Variants in EPS15 observed in about 807,000 individuals in gnomAD.
The protein encoded by EPS15 is epidermal growth factor receptor substrate 15.
EPS15 carries 72 observed loss-of-function variants against 113.8 expected under a neutral mutation model. The ratio of observed to expected loss-of-function variants is 0.63; its 90% CI spans 0.52 to 0.77. The LOEUF is 0.77. Among genes scored for constraint, EPS15 ranks in the 30% least tolerant of loss-of-function variants. The pLI is 0.00. For synonymous variants in EPS15, 344 were observed against 363.4 expected (o/e 0.95, Z 0.61); for missense variants, 1,048 against 1,045.8 (o/e 1.00, Z -0.03).
At chr1:51,433,625 T>C (rs757369159) in intron 12 of EPS15, among the ~76,000 whole-genome samples, 2 of 152,352 alleles carry the variant, frequency 1.3e-5, no homozygotes, top group East Asian at 3.9e-4. Context: ...GACTAGTTCA[T>C]TTCTTCATCT....
chr1:51,461,506 C>G (rs898309193), intron 7 of EPS15, among the ~76,000 whole-genome samples: 4 of 127,950 alleles, frequency 3.1e-5, no homozygotes, highest in Non-Finnish European at 6.3e-5. Flanking sequence ...GGCAACGGAG[C>G]TAGACACTGT....
At chr1:51,407,003 G>A (rs555929994) in intron 15 of EPS15, among the ~76,000 whole-genome samples, 5 of 152,138 alleles carry the variant, frequency 3.3e-5, no homozygotes, top group East Asian at 1.9e-4. Flanking sequence ...GTAAGGAAGC[G>A]CAAAAGTGAA....
chr1:51,426,837 C>CTCTCTCTCTATATA (rs377211027), intron 12 of EPS15, among the ~76,000 whole-genome samples: 72 of 143,644 alleles, frequency 5.0e-4, no homozygotes, highest in African/African-American at 1.8e-3. Context: ...CTCTCTCTCT[C>CTCTCTCTCTATATA]TATATATATA....
intron 1 of EPS15, among the ~76,000 whole-genome samples, chr1:51,499,073 G>A (rs1301167385): frequency 6.6e-6 from 1 of 152,144 alleles, no homozygotes; most frequent in Non-Finnish European, 1.5e-5. Context: ...GCATTATCTT[G>A]GAAGGACAAA....
At chr1:51,444,792 A>G in intron 11 of EPS15, 97 bp downstream of exon 11, 3 of 1,234,290 alleles carry the variant, frequency 2.4e-6, no homozygotes, top group Middle Eastern at 2.4e-4. Context: ...AGCCAGATAC[A>G]TTTTCTCTTC....
At chr1:51,399,625 G>T (rs1194260601) in intron 19 of EPS15, among the ~76,000 whole-genome samples, 1 of 151,986 alleles carries the variant, frequency 6.6e-6, no homozygotes, top group Non-Finnish European at 1.5e-5. Flanking sequence ...TTGGGAGGTT[G>T]AGGTAGACGG....
chr1:51,410,398 A>T (rs1309255707), intron 13 of EPS15, among the ~76,000 whole-genome samples: 2 of 152,136 alleles, frequency 1.3e-5, no homozygotes, highest in African/African-American at 4.8e-5. Context: ...TCTCCAAAAA[A>T]AAAAAAAAGA....
chr1:51,404,096 C>T (rs571543531), intron 16 of EPS15, among the ~76,000 whole-genome samples: 1 of 152,114 alleles, frequency 6.6e-6, no homozygotes, highest in African/African-American at 2.4e-5. Flanking sequence ...CCTGTAATCC[C>T]AGCACTTTGG....
At chr1:51,408,646 G>C (rs1000219838) in intron 14 of EPS15, among the ~76,000 whole-genome samples, 12 of 151,828 alleles carry the variant, frequency 7.9e-5, no homozygotes, top group African/African-American at 2.9e-4. Context: ...TTTTGAGACA[G>C]TCTCACTCTG....
chr1:51,391,330 G>A (rs1433018114), intron 21 of EPS15, among the ~76,000 whole-genome samples: 1 of 152,024 alleles, frequency 6.6e-6, no homozygotes, highest in African/African-American at 2.4e-5. Flanking sequence ...GGGGGGAAGG[G>A]GGAGGGATAG....
chr1:51,380,402 A>T (rs906670865), intron 21 of EPS15, among the ~76,000 whole-genome samples: 1 of 152,224 alleles, frequency 6.6e-6, no homozygotes, highest in African/African-American at 2.4e-5. Context: ...TTTAGAAGTA[A>T]ATTGTGACTT....
chr1:51,485,995 G>A (rs550818967), intron 1 of EPS15, among the ~76,000 whole-genome samples: 16 of 151,884 alleles, frequency 1.1e-4, no homozygotes, highest in African/African-American at 3.6e-4. Context: ...ATGGGGTTTC[G>A]CCATGTTGGC....
chr1:51,518,913 G>A (rs1420947657), intron 1 of EPS15, among the ~76,000 whole-genome samples: 1 of 151,496 alleles, frequency 6.6e-6, no homozygotes, highest in Non-Finnish European at 1.5e-5. Context: ...GCGCGGCCGG[G>A]TCACAGTCCA....
chr1:51,399,231 G>A lies in EPS15; in HGVS notation c.1919-66C>T. ...TATTGCACTAAATTTCCCATCACTT[G>A]AAGGTATGATCAGTGCCTTAATTAA... On this transcript the variant is annotated intron_variant, in intron 19 of 24. Coordinates refer to ENST00000371733, the MANE Select transcript of EPS15 (RefSeq NM_001981.3). 3 of 1,500,316 alleles carry A rather than the reference G, an allele frequency of 2.0e-6. No homozygotes were observed. The South Asian group carries it at 3.5e-5, about 18-fold the overall frequency. The allele number at this position is 1,500,316 out of a possible 1,614,324, so 92.9% of individuals were successfully genotyped here.
chr1:51,407,359 A>G (rs1235178503), intron 15 of EPS15, among the ~76,000 whole-genome samples: 4 of 151,934 alleles, frequency 2.6e-5, no homozygotes, highest in African/African-American at 9.7e-5. Context: ...CACCATGCCC[A>G]GTTAATTTTT....
chr1:51,374,977 T>C (rs1029880078), intron 21 of EPS15, among the ~76,000 whole-genome samples: 13 of 145,850 alleles, frequency 8.9e-5, no homozygotes, highest in Non-Finnish European at 1.7e-4. Context: ...CGCCCAGCCA[T>C]AAAATATTTA....
rs143254280 is a variant in EPS15, at chr1:51,476,566, C to T, written c.76-3618G>A. Among the ~76,000 whole-genome samples the T allele has an allele frequency of 3.4e-3, 514 of 151,942 alleles. 4 individuals carry two copies. The highest frequency in any genetic ancestry group is 0.011 in the African/African-American group (475 of 41,436). ...ATATTCCCTTTATCATTTTTTATTG[C>T]GTCTATTTGATCCTTCTCTCTTTTC... On this transcript the variant is annotated intron_variant, in intron 2 of 24. Coordinates refer to ENST00000371733, the MANE Select transcript of EPS15 (RefSeq NM_001981.3).
At chr1:51,395,996 A>T (rs915631712) in intron 20 of EPS15, among the ~76,000 whole-genome samples, 2 of 152,240 alleles carry the variant, frequency 1.3e-5, no homozygotes, top group African/African-American at 4.8e-5. Context: ...GGTAATGTTA[A>T]CTGGGACTAA....
At chr1:51,367,289 C>T (rs149678468) in intron 21 of EPS15, among the ~76,000 whole-genome samples, 293 of 152,232 alleles carry the variant, frequency 1.9e-3, no homozygotes, top group Non-Finnish European at 3.3e-3. Context: ...CAGTGGCTCA[C>T]GCCTGTAATC....
Sources: gnomAD v4.1 joint callset for allele counts (sites outside exome capture counted in the v4.1 genomes callset) on GRCh38, gnomAD v4.1.1 for gene constraint, MANE v1.5 for transcripts, NCBI Gene and HGNC (gene_info 2026-07-23, HGNC 2026-07-21) for gene names.